The following ESR1 variants were observed in gnomAD, a reference collection of about 807,000 sequenced individuals.
ESR1 encodes estrogen receptor 1.
ESR1 carries 12 observed loss-of-function variants against 52.7 expected under a neutral mutation model. The ratio of observed to expected loss-of-function variants is 0.23; its 90% confidence interval spans 0.15 to 0.37. The LOEUF (loss-of-function observed/expected upper bound fraction) is 0.37, where lower values mean the gene tolerates loss of function less well. ESR1 is among the 10% of genes least tolerant of loss of function. The pLI is 1.00. For missense variants in ESR1, 584 were observed against 779.7 expected, an observed-to-expected ratio of 0.75 and a Z score of 2.99; for synonymous variants, 305 against 316.8, an observed-to-expected ratio of 0.96 and a Z score of 0.39.
chr6:151,667,487 G>C (rs1435450381), intron 1 of ESR1, among the ~76,000 whole-genome samples: 2 of 152,174 alleles, frequency 1.3e-5, no homozygotes, highest in Non-Finnish European at 1.5e-5. Flanking sequence ...TGATACCTAA[G>C]ACTCCCCTCC....
At chr6:151,984,623 G>A (rs76015055) in intron 4 of ESR1, among the ~76,000 whole-genome samples, 2,895 of 152,150 alleles carry the variant, frequency 0.019, 75 homozygotes, top group East Asian at 0.1. Context: ...GCACTGATGG[G>A]CTGTTATTTG....
chr6:151,782,139 A>T (rs1786603351), intron 2 of ESR1, among the ~76,000 whole-genome samples: 2 of 152,208 alleles, frequency 1.3e-5, no homozygotes, highest in South Asian at 4.1e-4. Flanking sequence ...ATTTTGATTG[A>T]CTACAGATCA....
chr6:152,124,696 A>G lies in ESR1; in HGVS notation c.851-570A>G, dbSNP rs916279934. Among the ~76,000 whole-genome samples the G allele has an allele frequency of 1.0e-3, 6 of 5,886 alleles. No individual in the cohort carries two copies. In the East Asian group the frequency reaches 0.037, roughly 36 times the overall value. 3.9% of individuals were successfully genotyped at this position (5,886 alleles called of 152,430 possible). A position where few individuals can be genotyped will look rare whatever the true frequency, so the allele number is the denominator to read the frequency against. On this transcript the variant is annotated intron_variant, in intron 6 of 6. Transcript: ENST00000427531. ...GAGTTATTCCTAATAAGCTGAGGGA[A>G]AAAAAAAGTATATTTTGTGAAAATA...
rs150287816 is a variant in ESR1 at position 152,047,067 on chromosome 6, C to T, written c.1236-13924C>T. Among the ~76,000 whole-genome samples, 461 of 152,270 alleles carry T rather than the reference C, an allele frequency of 3.0e-3. 6 individuals are homozygous for T. Among genetic ancestry groups the T allele is most frequent in the African/African-American group, 0.01 (436 of 41,556 alleles). On this transcript the variant is annotated intron_variant, in intron 5 of 7. Coordinates refer to ENST00000206249, the MANE Select transcript of ESR1 (RefSeq NM_000125.4). ...TCTGGAATATCTCCAAACATCTTGT[C>T]ACTCACGCCTTCATTTAAATGTCAC...
chr6:151,697,964 A>G (rs55703156), intron 1 of ESR1, among the ~76,000 whole-genome samples: 4,704 of 152,146 alleles, frequency 0.031, 93 homozygotes, highest in African/African-American at 0.047. Flanking sequence ...CCCGTGTGGC[A>G]GCATGCGCCT....
chr6:151,958,617 G>A (rs1352794023), intron 4 of ESR1, among the ~76,000 whole-genome samples: 1 of 152,220 alleles, frequency 6.6e-6, no homozygotes, highest in Non-Finnish European at 1.5e-5. Context: ...CGATTTGACT[G>A]TTGAGATTCT....
chr6:151,755,877 C>T (rs1419076055), intron 2 of ESR1, among the ~76,000 whole-genome samples: 14 of 152,034 alleles, frequency 9.2e-5, no homozygotes, highest in East Asian at 1.9e-4. Flanking sequence ...GTGATCTGCC[C>T]GCTTCAGCCT....
chr6:151,887,922 T>C (rs1794118962), intron 3 of ESR1, among the ~76,000 whole-genome samples: 1 of 151,628 alleles, frequency 6.6e-6, no homozygotes, highest in African/African-American at 2.4e-5. Context: ...CCAGTTTCTC[T>C]AGAAACATTT....
intron 5 of ESR1, among the ~76,000 whole-genome samples, chr6:152,057,277 C>A (rs1315594966): frequency 6.6e-6 from 1 of 152,006 alleles, no homozygotes; most frequent in African/African-American, 2.4e-5. Flanking sequence ...AGTGAGAGAC[C>A]CATAGGTACC....
intron 1 of ESR1, among the ~76,000 whole-genome samples, chr6:151,673,520 G>A (rs1219658233): frequency 1.3e-5 from 2 of 152,024 alleles, no homozygotes; most frequent in Non-Finnish European, 2.9e-5. Flanking sequence ...ATGTAGTCCT[G>A]GGTCTTTGGG....
At chr6:151,992,415 T>C (rs945827311) in intron 4 of ESR1, among the ~76,000 whole-genome samples, 1 of 152,204 alleles carries the variant, frequency 6.6e-6, no homozygotes, top group African/African-American at 2.4e-5. Flanking sequence ...CATTTTTCCT[T>C]TTGTGCCTGG....
At chr6:151,924,358 A>G in intron 3 of ESR1, among the ~76,000 whole-genome samples, 1 of 150,088 alleles carries the variant, frequency 6.7e-6, no homozygotes, top group African/African-American at 2.5e-5. Context: ...TCTTAATGAC[A>G]AAAAATATTG....
chr6:152,021,359 A>G (rs578229609), intron 5 of ESR1, among the ~76,000 whole-genome samples: 1 of 152,262 alleles, frequency 6.6e-6, no homozygotes, highest in African/African-American at 2.4e-5. Flanking sequence ...CAGACAGTCT[A>G]TTGTGGGACC....
chr6:151,915,869 C>G (rs957645327), intron 3 of ESR1, among the ~76,000 whole-genome samples: 6 of 149,464 alleles, frequency 4.0e-5, no homozygotes, highest in Non-Finnish European at 7.4e-5. Context: ...CTCTCTCTCT[C>G]TATAGGAAAC....
intron 2 of ESR1, among the ~76,000 whole-genome samples, chr6:151,721,084 A>G (rs563163944): frequency 1.3e-5 from 2 of 152,348 alleles, no homozygotes; most frequent in East Asian, 3.9e-4. Flanking sequence ...CCACATCAAT[A>G]AAGCACTATG....
chr6:152,009,539 G>A lies in ESR1; in HGVS notation c.1097-2117G>A, dbSNP rs115179993. On this transcript the variant is annotated intron_variant, in intron 4 of 7. Coordinates refer to ENST00000206249, the MANE Select transcript of ESR1 (RefSeq NM_000125.4). The stretch of plus-strand genomic sequence containing the variant: ...CCGTTCCTGTGTGATACCTCTGTAC[G>A]TCTATTAGAATGTATAAAATTTAAA... Among the ~76,000 whole-genome samples, 292 of 152,190 alleles carry A rather than the reference G, an allele frequency of 1.9e-3. 2 individuals are homozygous for A. The highest frequency in any genetic ancestry group is 6.5e-3 in the African/African-American group (270 of 41,546).
chr6:151,740,075 G>T (rs2982551), intron 2 of ESR1, among the ~76,000 whole-genome samples: 86,766 of 151,848 alleles, frequency 0.57, 25,616 homozygotes, highest in African/African-American at 0.67. Context: ...GAAACAAATA[G>T]TCTCTGGGGA....
chr6:152,025,360 G>A (rs967825863), intron 5 of ESR1, among the ~76,000 whole-genome samples: 3 of 151,590 alleles, frequency 2.0e-5, no homozygotes, highest in Admixed American at 6.6e-5. Flanking sequence ...ACCTTTGAAA[G>A]CACCTGGACA....
At chr6:151,675,524 A>G (rs753285707) in intron 1 of ESR1, among the ~76,000 whole-genome samples, 4 of 151,914 alleles carry the variant, frequency 2.6e-5, no homozygotes, top group Non-Finnish European at 5.9e-5. Flanking sequence ...TACTACTATT[A>G]TAGGAAATTT....
Sources: gnomAD v4.1 joint callset for allele counts (sites outside exome capture counted in the v4.1 genomes callset) on GRCh38, gnomAD v4.1.1 for gene constraint, MANE v1.5 for transcripts, NCBI Gene and HGNC (gene_info 2026-07-23, HGNC 2026-07-21) for gene names.